The following ATP6V1C1 variants were observed in gnomAD, a reference collection of about 807,000 sequenced individuals.
The protein encoded by ATP6V1C1 is ATPase H+ transporting V1 subunit C1, also known as V-type proton ATPase subunit C 1.
A neutral mutation model predicts 53.9 loss-of-function variants in ATP6V1C1; 45 were observed. The ratio of observed to expected loss-of-function variants is 0.83; its 90% CI spans 0.66 to 1.07. The LOEUF (loss-of-function observed/expected upper bound fraction) is 1.07, where lower values mean the gene tolerates loss of function less well. Among genes scored for constraint, ATP6V1C1 ranks in the 50% least tolerant of loss-of-function variants. The pLI is 0.00. For synonymous variants in ATP6V1C1, 153 were observed against 155.2 expected (o/e 0.99, Z 0.11); for missense variants, 315 against 440.3 (o/e 0.72, Z 2.55).
chr8:103,051,954 A>G (rs970870403), intron 5 of ATP6V1C1, among the ~76,000 whole-genome samples: 3 of 152,210 alleles, frequency 2.0e-5, no homozygotes, highest in Non-Finnish European at 4.4e-5. Context: ...ATGTAAATAA[A>G]TAGACTATCA....
intron 1 of ATP6V1C1, among the ~76,000 whole-genome samples, chr8:103,034,286 A>G (rs73699553): frequency 2.1e-3 from 314 of 152,266 alleles, no homozygotes; most frequent in African/African-American, 6.9e-3. Context: ...TTAGCATATG[A>G]TTTTGCTACA....
rs1817432767 is a variant in ATP6V1C1 at position 103,063,139 on chromosome 8, A to G, written c.739A>G (p.Ile247Val). The G allele has an allele frequency of 1.2e-6, 2 of 1,613,040 alleles. No homozygotes were observed. Among genetic ancestry groups the G allele is most frequent in the East Asian group, 2.2e-5 (1 of 44,788 alleles). Residue 247 changes from isoleucine to valine, a missense_variant, in exon 10 of 13, where the codon ATT (isoleucine) becomes GTT (valine). Ile to Val is a conservative substitution (Grantham distance 29). Transcript: ENST00000518738. ...FRHKARENKF[I>V]VRDFQYNEEE... ...TTTTTTTTCCCCCAAATTTAGATTC[A>G]TTGTTCGTGACTTCCAGTATAATGA...
intron 8 of ATP6V1C1, among the ~76,000 whole-genome samples, chr8:103,062,419 C>T (rs1208907601): frequency 6.6e-6 from 1 of 152,026 alleles, no homozygotes; most frequent in African/African-American, 2.4e-5. Flanking sequence ...AATCACCCAC[C>T]TCAGCCTGCC....
At chr8:103,058,932 T>C (rs1435954820) in intron 8 of ATP6V1C1, among the ~76,000 whole-genome samples, 2 of 151,956 alleles carry the variant, frequency 1.3e-5, no homozygotes, top group East Asian at 3.9e-4. Flanking sequence ...GTTGAAACAC[T>C]GTTCAGAAAG....
chr8:103,042,300 A>G (rs1295480870), intron 2 of ATP6V1C1, 40 bp from the exon 3 acceptor site: 1 of 1,572,250 alleles, frequency 6.4e-7, no homozygotes, highest in South Asian at 1.2e-5. Context: ...TTTTTTTTAA[A>G]AAAGCATGCC....
chr8:103,043,397 A>G (rs1293272932), intron 3 of ATP6V1C1, among the ~76,000 whole-genome samples: 1 of 151,882 alleles, frequency 6.6e-6, no homozygotes, highest in Non-Finnish European at 1.5e-5. Flanking sequence ...ATCTCGTCTC[A>G]CTGCAACCTC....
chr8:103,053,862 A>T (rs781556004), intron 6 of ATP6V1C1, 22 bp from the exon 7 acceptor site: 1 of 1,551,722 alleles, frequency 6.4e-7, no homozygotes, highest in South Asian at 1.1e-5. Context: ...TATCAGCCTA[A>T]TGATTTGTTT....
At chr8:103,036,838 G>T (rs1816906643) in intron 1 of ATP6V1C1, among the ~76,000 whole-genome samples, 1 of 152,128 alleles carries the variant, frequency 6.6e-6, no homozygotes, top group Non-Finnish European at 1.5e-5. Context: ...TCATCAGGAA[G>T]AATTTAACAG....
chr8:103,053,954 C>G lies in ATP6V1C1; in HGVS notation c.544C>G (p.Leu182Val). 1 of 1,610,154 alleles carries G rather than the reference C, an allele frequency of 6.2e-7. No individual in the cohort carries two copies. The change falls in exon 7 of 13, where the codon CTC becomes GTC. Residue 182 changes from leucine (L) to valine (V), a missense_variant. By Grantham distance (32) the Leu-to-Val change is conservative (BLOSUM62 1). Coordinates refer to ENST00000518738, the MANE Select transcript of ATP6V1C1 (RefSeq NM_001695.5). ...KDDFVLDSEY[L>V]VTLLVVVPKL... ...TGACTTTGTTCTTGATTCAGAGTATCTCGTCACATTACTGGTAGTAGTTCC... is the reference window on the plus strand; with the variant it reads ...TGACTTTGTTCTTGATTCAGAGTATGTCGTCACATTACTGGTAGTAGTTCC...
chr8:103,044,485 CTG>C (rs894347817), intron 3 of ATP6V1C1, among the ~76,000 whole-genome samples: 26 of 152,240 alleles, frequency 1.7e-4, no homozygotes, highest in African/African-American at 6.3e-4. Context: ...GTTGAAAAGA[CTG>C]TTTTTTCCCC....
At chr8:103,048,844 GGTT>G in intron 3 of ATP6V1C1, 23 bp from the exon 4 acceptor site, 2 of 1,578,264 alleles carry the variant, frequency 1.3e-6, no homozygotes, top group East Asian at 2.2e-5. Flanking sequence ...TCCTGAGAAT[GGTT>G]GTTGATATTT....
chr8:103,042,344 G>T lies in ATP6V1C1; in HGVS notation c.137G>T (p.Gly46Val). 1 of 1,613,562 alleles carries T rather than the reference G, an allele frequency of 6.2e-7. No individual in the cohort carries two copies. ...SKFNIPDLKV[G>V]TLDVLVGLSD... is the part of the protein sequence containing the mutation. ...AACAATATATTTTCCTTTTAGGTTG[G>T]CACGTTGGATGTCTTGGTTGGCTTG... is the stretch of plus-strand genomic sequence containing the variant. The change falls in exon 3 of 13, where the codon GGC (glycine) becomes GTC (valine). Residue 46 changes from glycine to valine, a missense_variant. Gly to Val is a moderately radical substitution (Grantham distance 109). Coordinates refer to ENST00000518738, the MANE Select transcript of ATP6V1C1 (RefSeq NM_001695.5).
chr8:103,040,926 T>A lies in ATP6V1C1; in HGVS notation c.90T>A (p.Asn30Lys), dbSNP rs1435252927. ...TGCATGCGGCAACTTCAAAGAACAA[T>A]AATCTTGCTGTCACTTCCAAGTTCA... ...EKLHAATSKN[N>K]NLAVTSKFNI... Residue 30 changes from asparagine (N) to lysine (K), a missense_variant, in exon 2 of 13, where the codon AAT becomes AAA. Coordinates refer to ENST00000518738, the MANE Select transcript of ATP6V1C1 (RefSeq NM_001695.5). The A allele has an allele frequency of 6.2e-7, 1 of 1,613,952 alleles. No homozygotes were observed. The highest frequency in any genetic ancestry group is 1.7e-5 in the Admixed American group (1 of 60,000).
At chr8:103,053,386 C>T (rs796827146) in intron 6 of ATP6V1C1, among the ~76,000 whole-genome samples, 1 of 151,848 alleles carries the variant, frequency 6.6e-6, no homozygotes, top group Non-Finnish European at 1.5e-5. Context: ...GTGATACAAA[C>T]AGGGCAAGAC....
chr8:103,069,215 G>A lies in ATP6V1C1; in HGVS notation c.*468G>A, dbSNP rs1484265845. The A allele has an allele frequency of 1.3e-5, 2 of 152,218 alleles. No homozygotes were observed. The highest frequency in any genetic ancestry group is 2.9e-5 in the Non-Finnish European group (2 of 68,100). 9.4% of individuals were successfully genotyped at this position (152,218 alleles called of 1,614,324 possible). A position where few individuals can be genotyped will look rare whatever the true frequency, so the allele number is the denominator to read the frequency against. Reference sequence around the variant, plus strand: ...ATCTTCAGGTATGGGATTTCTGAACGTTTCAAATTTCAATCAATGAGCACT... The same window carrying A: ...ATCTTCAGGTATGGGATTTCTGAACATTTCAAATTTCAATCAATGAGCACT... On this transcript the variant is annotated 3_prime_UTR_variant, in exon 13 of 13. Transcript: ENST00000518738.
intron 8 of ATP6V1C1, 79 bp from the exon 9 acceptor site, chr8:103,062,876 C>T: frequency 8.0e-7 from 1 of 1,254,528 alleles, no homozygotes; most frequent in Non-Finnish European, 1.2e-6. Context: ...TTCTCTTCCA[C>T]CTGTTTCTGA....
intron 8 of ATP6V1C1, among the ~76,000 whole-genome samples, chr8:103,061,278 GT>G (rs1817391039): frequency 7.1e-6 from 1 of 141,708 alleles, no homozygotes; most frequent in Non-Finnish European, 1.6e-5. Context: ...TCCTGGAGGT[GT>G]CTGCTGGTCA....
intron 3 of ATP6V1C1, among the ~76,000 whole-genome samples, chr8:103,045,907 C>G (rs183983906): frequency 2.2e-4 from 33 of 151,644 alleles, no homozygotes; most frequent in Non-Finnish European, 4.3e-4. Context: ...CGCCACTGCA[C>G]TCCAGCCTGG....
chr8:103,055,388 T>A (rs1817273066), intron 7 of ATP6V1C1, among the ~76,000 whole-genome samples: 1 of 152,162 alleles, frequency 6.6e-6, no homozygotes, highest in Admixed American at 6.6e-5. Context: ...AGAAGGTTGT[T>A]GCACAATGTT....
Sources: allele counts gnomAD v4.1 joint callset (sites outside exome capture counted in the v4.1 genomes callset), GRCh38; gene constraint gnomAD v4.1.1; transcripts MANE v1.5; gene names NCBI Gene and HGNC (gene_info 2026-07-23, HGNC 2026-07-21).